KIAA1671: variants seen among roughly 807,000 people sequenced by gnomAD.
The protein encoded by KIAA1671 is KIAA1671, also known as uncharacterized protein KIAA1671.
Under a neutral mutation model 131.2 loss-of-function variants are expected in KIAA1671, and 52 were observed. That is an observed-to-expected ratio of 0.40 (90% CI 0.32 to 0.50). The LOEUF (loss-of-function observed/expected upper bound fraction) is 0.50. Among genes scored for constraint, KIAA1671 ranks in the 20% least tolerant of loss-of-function variants. The probability of loss-of-function intolerance (pLI) is 0.73; values close to 1 mark genes in which losing one functional copy is unlikely to be tolerated. For synonymous variants in KIAA1671, 1,003 were observed against 961.6 expected (o/e 1.04, Z -0.80); for missense variants, 2,360 against 2,364.2 (o/e 1.00, Z 0.04).
intron 1 of KIAA1671, among the ~76,000 whole-genome samples, chr22:25,017,464 C>G (rs1250305085): frequency 3.9e-5 from 6 of 152,168 alleles, no homozygotes; most frequent in African/African-American, 1.2e-4. Context: ...GTGGGCAGGT[C>G]TTACAGGGAG....
chr22:25,065,464 G>A (rs1202329473), intron 6 of KIAA1671, among the ~76,000 whole-genome samples: 1 of 152,060 alleles, frequency 6.6e-6, no homozygotes, highest in African/African-American at 2.4e-5. Context: ...TCACAGGCTG[G>A]AAGATGGCCT....
At chr22:25,129,436 G>A (rs1932332124) in intron 6 of KIAA1671, among the ~76,000 whole-genome samples, 1 of 151,898 alleles carries the variant, frequency 6.6e-6, no homozygotes, top group African/African-American at 2.4e-5. Flanking sequence ...GAACCCGGGA[G>A]GCAGAGGTTT....
chr22:25,192,141 C>T (rs747893355), intron 12 of KIAA1671, among the ~76,000 whole-genome samples: 2 of 152,128 alleles, frequency 1.3e-5, no homozygotes, highest in Non-Finnish European at 2.9e-5. Context: ...AAGCCTCCAG[C>T]AACCCCTTTG....
intron 6 of KIAA1671, chr22:25,049,831 C>G (rs913226643): frequency 3.3e-5 from 5 of 153,128 alleles, no homozygotes; most frequent in Non-Finnish European, 7.3e-5. Flanking sequence ...CATTTAGGAA[C>G]TGACAGTTAT....
At chr22:25,143,945 A>C (rs890670606) in intron 6 of KIAA1671, among the ~76,000 whole-genome samples, 2 of 151,994 alleles carry the variant, frequency 1.3e-5, no homozygotes, top group African/African-American at 4.8e-5. Context: ...CTGAGGTGGG[A>C]GGATCCCTTG....
intron 6 of KIAA1671, among the ~76,000 whole-genome samples, chr22:25,132,853 G>A (rs1367651683): frequency 1.3e-5 from 2 of 152,050 alleles, no homozygotes; most frequent in East Asian, 1.9e-4. Flanking sequence ...TTAGGAGTTC[G>A]AGACCAGCCT....
At chr22:25,163,037 A>G (rs563849643) in intron 6 of KIAA1671, among the ~76,000 whole-genome samples, 10 of 152,034 alleles carry the variant, frequency 6.6e-5, no homozygotes, top group Admixed American at 2.6e-4. Context: ...CCTTAAAAAA[A>G]TTTTTTTTGG....
chr22:25,158,552 G>A (rs371560052), intron 6 of KIAA1671, among the ~76,000 whole-genome samples: 1 of 152,076 alleles, frequency 6.6e-6, no homozygotes, highest in Admixed American at 6.5e-5. Context: ...TGCCTGGGCC[G>A]CATTTTAGGG....
rs551606543 is a variant in KIAA1671, at chr22:25,191,104, A to G, written c.*4+320A>G. ...TCACAGTCCCCTCTGATAAAACAAA[A>G]GGGCGGGGACATCAGAGGTTAGCTT... is the stretch of plus-strand genomic sequence containing the variant. On this transcript the variant is annotated intron_variant, in intron 12 of 12. Coordinates refer to ENST00000358431, the MANE Select transcript of KIAA1671 (RefSeq NM_001145206.2). 6.0e-5 allele frequency among the ~76,000 whole-genome samples: 9 copies of G among 150,870 alleles called. No homozygotes were observed. The South Asian group carries it at 1.7e-3, about 28-fold the overall frequency.
At chr22:25,004,097 G>T (rs940711321) in intron 1 of KIAA1671, among the ~76,000 whole-genome samples, 2 of 151,616 alleles carry the variant, frequency 1.3e-5, no homozygotes, top group African/African-American at 4.8e-5. Context: ...GAATACAGGC[G>T]TGAGCCACTG....
At chr22:24,981,750 A>G (rs1923247982) in intron 1 of KIAA1671, among the ~76,000 whole-genome samples, 1 of 152,208 alleles carries the variant, frequency 6.6e-6, no homozygotes, top group African/African-American at 2.4e-5. Context: ...TCTACAAAAA[A>G]TAGAAAAATT....
intron 6 of KIAA1671, among the ~76,000 whole-genome samples, chr22:25,081,201 G>A (rs1929389227): frequency 6.6e-6 from 1 of 152,204 alleles, no homozygotes; most frequent in South Asian, 2.1e-4. Context: ...CTGGGACTCA[G>A]TTTCTCTGTA....
chr22:25,185,921 T>C (rs766324066), intron 11 of KIAA1671: 1 of 152,206 alleles, frequency 6.6e-6, no homozygotes, highest in Non-Finnish European at 1.5e-5. Flanking sequence ...GGAAATCTTA[T>C]CATGAGCACT....
intron 6 of KIAA1671, among the ~76,000 whole-genome samples, chr22:25,128,940 G>A (rs1159187928): frequency 6.6e-6 from 1 of 152,180 alleles, no homozygotes; most frequent in African/African-American, 2.4e-5. Flanking sequence ...CTGCAGTACC[G>A]GGTGCATTTG....
At chr22:25,180,261 C>CAGGG (rs1242096914) in intron 9 of KIAA1671, among the ~76,000 whole-genome samples, 1 of 152,252 alleles carries the variant, frequency 6.6e-6, no homozygotes, top group Non-Finnish European at 1.5e-5. Context: ...AAGAAACAGG[C>CAGGG]AGGGCGTGGT....
At chr22:24,981,060 T>TCC (rs1555949681) in intron 1 of KIAA1671, among the ~76,000 whole-genome samples, 1 of 119,902 alleles carries the variant, frequency 8.3e-6, no homozygotes, top group Admixed American at 8.0e-5. Flanking sequence ...ACTTGTTATT[T>TCC]TCTGTGTGTG....
At chr22:25,185,309 A>G (rs1051973770) in intron 11 of KIAA1671, 190 bp downstream of exon 11, 20 of 658,842 alleles carry the variant, frequency 3.0e-5, no homozygotes, top group Non-Finnish European at 4.6e-5. Flanking sequence ...GAGGCCGGGG[A>G]AGGAGGCCAG....
At chr22:25,144,558 G>A (rs1274530180) in intron 6 of KIAA1671, among the ~76,000 whole-genome samples, 2 of 152,218 alleles carry the variant, frequency 1.3e-5, no homozygotes, top group Non-Finnish European at 2.9e-5. Context: ...AAACAAGAGT[G>A]TGGACTTGGG....
chr22:25,089,493 C>G (rs1360670405), intron 6 of KIAA1671, among the ~76,000 whole-genome samples: 5 of 151,796 alleles, frequency 3.3e-5, no homozygotes, highest in African/African-American at 9.7e-5. Flanking sequence ...AGGTTGGTTT[C>G]GAACTCCCAA....
Sources: gnomAD v4.1 joint callset for allele counts (sites outside exome capture counted in the v4.1 genomes callset) on GRCh38, gnomAD v4.1.1 for gene constraint, MANE v1.5 for transcripts, NCBI Gene and HGNC (gene_info 2026-07-23, HGNC 2026-07-21) for gene names.